The following PARD3 variants were observed in gnomAD, a reference collection of about 807,000 sequenced individuals.
The protein encoded by PARD3 is partitioning defective 3 homolog.
Under a neutral mutation model 155.4 loss-of-function variants are expected in PARD3, and 75 were observed. That is an observed-to-expected ratio of 0.48 (90% CI 0.40 to 0.58). The LOEUF (loss-of-function observed/expected upper bound fraction) is 0.58, where lower values mean the gene tolerates loss of function less well. PARD3 is among the 20% of genes least tolerant of loss of function. The pLI is 0.00. For missense variants in PARD3, 1,642 were observed against 1,721.7 expected, an observed-to-expected ratio of 0.95 and a Z score of 0.82; for synonymous variants, 576 against 610.5, an observed-to-expected ratio of 0.94 and a Z score of 0.83.
Position 34,131,504 on chromosome 10 carries a change from C to T in PARD3, c.3499G>A (p.Val1167Ile), listed in dbSNP as rs770595278. The change falls in exon 23 of 25, where the codon GTA becomes ATA. Residue 1167 changes from valine (V) to isoleucine (I), a missense_variant. Around this residue, in one of 3 missense-constraint regions of PARD3, gnomAD observed 1,529 missense variants for 1,587.3 expected, o/e 0.96. Transcript: ENST00000374788. ...CTATAGGTCCGCCGACGATCTTCTA[C>T]ATCTTCATCTTGCTTTGCTTGCTGA... is the stretch of plus-strand genomic sequence containing the variant. ...EFQQAKQDED[V>I]EDRRRTYSFE... 2.5e-6 allele frequency: 4 copies of T among 1,614,002 alleles called. No individual in the cohort carries two copies. The African/African-American group carries it at 5.3e-5, about 22-fold the overall frequency.
intron 2 of PARD3, among the ~76,000 whole-genome samples, chr10:34,555,691 T>C (rs2084924436): frequency 6.6e-6 from 1 of 152,218 alleles, no homozygotes; most frequent in Non-Finnish European, 1.5e-5. Flanking sequence ...ATGTATCTTA[T>C]AAGGTACCAG....
At chr10:34,172,761 CAAAA>C (rs1049509877) in intron 22 of PARD3, among the ~76,000 whole-genome samples, 4 of 130,894 alleles carry the variant, frequency 3.1e-5, no homozygotes, top group Admixed American at 7.4e-5. Context: ...AAAAAAAAAA[CAAAA>C]AAAAAACCCA....
In PARD3 at chr10:34,332,522, T is replaced by C. The variant is rs549787510; in HGVS notation, c.2606-1178A>G. Among the ~76,000 whole-genome samples, 5 of 152,310 alleles carry C rather than the reference T, an allele frequency of 3.3e-5. 1 individual carries two copies. The highest frequency in any genetic ancestry group is 1.9e-4 in the East Asian group (1 of 5,190). On this transcript the variant is annotated intron_variant, in intron 18 of 24. Coordinates refer to ENST00000374788, the MANE Select transcript of PARD3 (RefSeq NM_001184785.2). ...ACCCAGAAGACAAATAGTTGTGACA[T>C]AGGCTTTTCACAGCTCAGAAAATAA...
chr10:34,434,610 CAA>C (rs1353496830), intron 5 of PARD3, among the ~76,000 whole-genome samples: 1 of 152,094 alleles, frequency 6.6e-6, no homozygotes, highest in Non-Finnish European at 1.5e-5. Context: ...CCACAGTGGA[CAA>C]AGAGATGTAA....
intron 2 of PARD3, among the ~76,000 whole-genome samples, chr10:34,691,783 T>TGTA (rs1243929210): frequency 7.7e-6 from 1 of 129,490 alleles, no homozygotes; most frequent in East Asian, 2.4e-4. Flanking sequence ...CCAGAAATAA[T>TGTA]GCCACACACC....
intron 2 of PARD3, among the ~76,000 whole-genome samples, chr10:34,659,210 T>TG (rs1209109660): frequency 6.6e-6 from 1 of 152,152 alleles, no homozygotes; most frequent in African/African-American, 2.4e-5. Context: ...AACCAACACA[T>TG]GTCATCTGCC....
chr10:34,659,054 G>A (rs2093256203), intron 2 of PARD3, among the ~76,000 whole-genome samples: 2 of 152,152 alleles, frequency 1.3e-5, no homozygotes, highest in South Asian at 4.1e-4. Context: ...TGAAGAGTAA[G>A]GCAATGCAAG....
intron 3 of PARD3, among the ~76,000 whole-genome samples, chr10:34,495,435 G>A (rs368858185): frequency 3.9e-5 from 6 of 152,144 alleles, no homozygotes; most frequent in Admixed American, 2.0e-4. Flanking sequence ...TTAATCACTC[G>A]GATAATCAAG....
intron 22 of PARD3, among the ~76,000 whole-genome samples, chr10:34,178,075 G>A (rs1453214212): frequency 6.6e-6 from 1 of 152,112 alleles, no homozygotes; most frequent in Non-Finnish European, 1.5e-5. Context: ...ATATATACAG[G>A]AAAGGTTTAT....
intron 2 of PARD3, among the ~76,000 whole-genome samples, chr10:34,682,469 T>C (rs1310108901): frequency 6.6e-6 from 1 of 152,134 alleles, no homozygotes; most frequent in African/African-American, 2.4e-5. Flanking sequence ...TATAAATTCA[T>C]AGAAATAAAA....
At chr10:34,566,159 T>C (rs2085924799) in intron 2 of PARD3, among the ~76,000 whole-genome samples, 1 of 152,212 alleles carries the variant, frequency 6.6e-6, no homozygotes, top group Non-Finnish European at 1.5e-5. Flanking sequence ...CATTTTCTAT[T>C]TTGCAAGAAG....
At chr10:34,401,788 G>T in intron 6 of PARD3, 38 bp downstream of exon 6, 1 of 1,253,484 alleles carries the variant, frequency 8.0e-7, no homozygotes, top group Non-Finnish European at 1.2e-6. Flanking sequence ...GATGCTACAT[G>T]TATACTGCAA....
intron 22 of PARD3, among the ~76,000 whole-genome samples, chr10:34,152,711 G>C (rs1487358796): frequency 1.3e-5 from 2 of 152,060 alleles, no homozygotes; most frequent in Non-Finnish European, 2.9e-5. Context: ...ATAATTGATA[G>C]AACTGGCATA....
At chr10:34,469,172 G>A (rs892081417) in intron 4 of PARD3, among the ~76,000 whole-genome samples, 23 of 152,186 alleles carry the variant, frequency 1.5e-4, no homozygotes, top group East Asian at 1.9e-4. Flanking sequence ...GTGCAGCGGC[G>A]TGATCTCGGC....
At chr10:34,303,956 G>T (rs2255030) in intron 20 of PARD3, among the ~76,000 whole-genome samples, 4 of 152,012 alleles carry the variant, frequency 2.6e-5, no homozygotes, top group Admixed American at 6.5e-5. Flanking sequence ...AGAGGTACAA[G>T]GTGGCATGCA....
chr10:34,629,842 G>T (rs2092170943), intron 2 of PARD3, among the ~76,000 whole-genome samples: 1 of 152,046 alleles, frequency 6.6e-6, no homozygotes, highest in Non-Finnish European at 1.5e-5. Context: ...GTAGGTCAGT[G>T]GTCTACAGTG....
chr10:34,306,541 C>T lies in PARD3; in HGVS notation c.3065+10566G>A, dbSNP rs575354085. Among the ~76,000 whole-genome samples the T allele has an allele frequency of 2.8e-4, 43 of 151,142 alleles. 1 individual carries two copies. In the East Asian group the frequency reaches 7.2e-3, roughly 25 times the overall value. Reference sequence around the variant, plus strand: ...GTGCATGCCTGTAATCCCAGCTACTCGGGAGGCTGAGGCAGGAGAATCGCT... The same window carrying T: ...GTGCATGCCTGTAATCCCAGCTACTTGGGAGGCTGAGGCAGGAGAATCGCT... On this transcript the variant is annotated intron_variant, in intron 20 of 24. Coordinates refer to ENST00000374788, the MANE Select transcript of PARD3 (RefSeq NM_001184785.2).
chr10:34,725,186 T>C (rs1260616045), intron 1 of PARD3, among the ~76,000 whole-genome samples: 1 of 151,684 alleles, frequency 6.6e-6, no homozygotes, highest in Non-Finnish European at 1.5e-5. Flanking sequence ...GGAGTCTCAC[T>C]CTGTCGCCCA....
At chr10:34,217,396 A>G (rs1302693657) in intron 22 of PARD3, among the ~76,000 whole-genome samples, 3 of 151,616 alleles carry the variant, frequency 2.0e-5, no homozygotes, top group Non-Finnish European at 4.4e-5. Context: ...TTGTAAAAAC[A>G]CTCCCTTTGT....
Sources: gnomAD v4.1 joint callset for allele counts (sites outside exome capture counted in the v4.1 genomes callset) on GRCh38, gnomAD v4.1.1 for gene constraint, gnomAD v4.1.1 regional missense constraint, MANE v1.5 for transcripts, NCBI Gene and HGNC (gene_info 2026-07-23, HGNC 2026-07-21) for gene names.